LYPD6B: variants seen among roughly 807,000 people sequenced by gnomAD.
LYPD6B encodes the protein ly6/PLAUR domain-containing protein 6B.
A neutral mutation model predicts 22.8 loss-of-function variants in LYPD6B; 17 were observed. The observed-to-expected ratio is 0.75, with a 90% confidence interval of 0.51 to 1.12. The LOEUF (loss-of-function observed/expected upper bound fraction) is 1.12. Ranked by LOEUF, LYPD6B falls within the 50% of genes most tolerant of loss-of-function variation. The probability of loss-of-function intolerance (pLI) is 0.00; values close to 1 mark genes in which losing one functional copy is unlikely to be tolerated. For missense variants in LYPD6B, 221 were observed against 258.3 expected (o/e 0.86, Z 0.99); for synonymous variants, 106 against 91.6 (o/e 1.16, Z -0.90).
chr2:149,104,587 T>G (rs1686377277), intron 1 of LYPD6B, among the ~76,000 whole-genome samples: 1 of 152,244 alleles, frequency 6.6e-6, no homozygotes, highest in African/African-American at 2.4e-5. Flanking sequence ...ATTATTTGTT[T>G]TGAGCATTCT....
chr2:149,093,379 G>A (rs142378097), intron 1 of LYPD6B, among the ~76,000 whole-genome samples: 9 of 152,220 alleles, frequency 5.9e-5, no homozygotes, highest in Admixed American at 5.9e-4. Flanking sequence ...TGGTCTAAAG[G>A]GACCCCACAA....
chr2:149,151,119 G>A (rs796271792), intron 2 of LYPD6B, among the ~76,000 whole-genome samples: 1 of 152,200 alleles, frequency 6.6e-6, no homozygotes, highest in African/African-American at 2.4e-5. Context: ...TGGGAGGTTT[G>A]CCTCCAATGT....
intron 2 of LYPD6B, among the ~76,000 whole-genome samples, chr2:149,135,902 T>C (rs569711427): frequency 6.6e-6 from 1 of 152,168 alleles, no homozygotes; most frequent in African/African-American, 2.4e-5. Flanking sequence ...CTCCCTGCCA[T>C]CCCTCCCCAT....
chr2:149,145,576 G>GA (rs1466937882), intron 2 of LYPD6B, among the ~76,000 whole-genome samples: 1 of 152,184 alleles, frequency 6.6e-6, no homozygotes, highest in African/African-American at 2.4e-5. Context: ...GGGTCACAAG[G>GA]AAGGGCCACA....
At chr2:149,084,094 A>G (rs1364865634) in intron 1 of LYPD6B, among the ~76,000 whole-genome samples, 2 of 148,132 alleles carry the variant, frequency 1.4e-5, no homozygotes, top group Non-Finnish European at 3.0e-5. Context: ...GCGAGACTCC[A>G]TCTCAAAAAT....
rs1425808080 is a variant in LYPD6B at position 149,215,000 on chromosome 2, C to T, written c.*290C>T. 2.6e-6 allele frequency: 1 copy of T among 382,448 alleles called. No individual in the cohort carries two copies. The highest frequency in any genetic ancestry group is 4.8e-6 in the Non-Finnish European group (1 of 208,828). The allele number at this position is 382,448 out of a possible 1,614,324, so 23.7% of individuals were successfully genotyped here. A position where few individuals can be genotyped will look rare whatever the true frequency, so the allele number is the denominator to read the frequency against. On this transcript the variant is annotated 3_prime_UTR_variant, in exon 7 of 7. Coordinates refer to ENST00000409642, the MANE Select transcript of LYPD6B (RefSeq NM_177964.5). ...GAGAGGATCCTGGCAACTAGTCCCA[C>T]CTGACTAGGCCTTTAGCTGAAAGGA...
At chr2:149,147,506 T>G (rs1027002851) in intron 2 of LYPD6B, among the ~76,000 whole-genome samples, 1 of 151,992 alleles carries the variant, frequency 6.6e-6, no homozygotes, top group Non-Finnish European at 1.5e-5. Flanking sequence ...TTTTTTTGTT[T>G]TTTGTTTGTT....
chr2:149,159,648 G>C (rs1575086513), intron 2 of LYPD6B, among the ~76,000 whole-genome samples: 1 of 151,212 alleles, frequency 6.6e-6, no homozygotes, highest in East Asian at 1.9e-4. Context: ...AGAGAGTAGG[G>C]GCAAGGGGAT....
In LYPD6B at chr2:149,091,479, C is replaced by T. The variant is rs539151603; in HGVS notation, c.-66-39404C>T. On this transcript the variant is annotated intron_variant, in intron 1 of 6. Transcript: ENST00000409642. Reference sequence around the variant, plus strand: ...TGGAATACCACATTTATTTTACTCTCTTAGTGTCAGGTCTTTGGTATTTTT... The same window carrying T: ...TGGAATACCACATTTATTTTACTCTTTTAGTGTCAGGTCTTTGGTATTTTT... Among the ~76,000 whole-genome samples, 13 of 152,058 alleles carry T rather than the reference C, an allele frequency of 8.5e-5. No individual in the cohort carries two copies. In the East Asian group the frequency reaches 2.3e-3, roughly 27 times the overall value.
chr2:149,078,462 A>G (rs987788722), intron 1 of LYPD6B, among the ~76,000 whole-genome samples: 2 of 152,164 alleles, frequency 1.3e-5, no homozygotes, highest in African/African-American at 4.8e-5. Context: ...GGGTTAAATC[A>G]GTGACCTTGG....
intron 3 of LYPD6B, among the ~76,000 whole-genome samples, chr2:149,186,599 T>TTTTG (rs558641639): frequency 1.2e-3 from 182 of 152,214 alleles, no homozygotes; most frequent in Middle Eastern, 3.4e-3. Context: ...AACAACAGTT[T>TTTTG]TTTGTTTGTT....
intron 2 of LYPD6B, among the ~76,000 whole-genome samples, chr2:149,147,906 C>CTG (rs61441741): frequency 0.085 from 11,769 of 139,030 alleles, 696 homozygotes; most frequent in East Asian, 0.34. Flanking sequence ...GCACATGGGC[C>CTG]TGTGTGTGTG....
chr2:149,173,478 A>G (rs1219524197), intron 3 of LYPD6B, among the ~76,000 whole-genome samples: 7 of 151,300 alleles, frequency 4.6e-5, no homozygotes, highest in Non-Finnish European at 8.8e-5. Context: ...CATTCATTCA[A>G]GTAATTGATA....
chr2:149,158,517 G>A (rs1689848404), intron 2 of LYPD6B, among the ~76,000 whole-genome samples: 1 of 152,164 alleles, frequency 6.6e-6, no homozygotes, highest in East Asian at 1.9e-4. Flanking sequence ...AGGGGCTGAG[G>A]GTAGAGGAAA....
chr2:149,124,224 TACA>T (rs1201582285), intron 1 of LYPD6B, among the ~76,000 whole-genome samples: 1 of 152,200 alleles, frequency 6.6e-6, no homozygotes, highest in African/African-American at 2.4e-5. Context: ...GGCTTATAAA[TACA>T]ACACTTCTTG....
chr2:149,099,639 G>A (rs1190460872), intron 1 of LYPD6B, among the ~76,000 whole-genome samples: 1 of 152,188 alleles, frequency 6.6e-6, no homozygotes, highest in Non-Finnish European at 1.5e-5. Context: ...GCCTCCAAGA[G>A]TTCTCAAAAA....
intron 3 of LYPD6B, among the ~76,000 whole-genome samples, chr2:149,189,347 T>C (rs1692334353): frequency 1.1e-5 from 1 of 88,334 alleles, no homozygotes; most frequent in Admixed American, 1.2e-4. Flanking sequence ...CAAAATTATA[T>C]ATATATATAT....
chr2:149,088,211 T>C (rs1331670983), intron 1 of LYPD6B, among the ~76,000 whole-genome samples: 1 of 152,124 alleles, frequency 6.6e-6, no homozygotes, highest in Non-Finnish European at 1.5e-5. Context: ...TCTAGAACCT[T>C]CTAAGACATC....
At chr2:149,068,717 A>T in intron 1 of LYPD6B, 1 of 546,570 alleles carries the variant, frequency 1.8e-6, no homozygotes, top group South Asian at 1.4e-5. Flanking sequence ...CTCTGAAGCA[A>T]CATCCTGACA....
Sources: gnomAD v4.1 joint callset for allele counts (sites outside exome capture counted in the v4.1 genomes callset) on GRCh38, gnomAD v4.1.1 for gene constraint, MANE v1.5 for transcripts, NCBI Gene and HGNC (gene_info 2026-07-23, HGNC 2026-07-21) for gene names.